Variants in LRP1 observed in about 807,000 individuals in gnomAD.
LRP1 encodes prolow-density lipoprotein receptor-related protein 1.
LRP1 carries 51 observed loss-of-function variants against 541.5 expected under a neutral mutation model. The ratio of observed to expected loss-of-function variants is 0.09; its 90% confidence interval spans 0.08 to 0.12. The LOEUF is 0.12. Ranked by LOEUF, LRP1 falls within the 10% of genes least tolerant of loss-of-function variation. The probability of loss-of-function intolerance (pLI) is 1.00; values close to 1 mark genes in which losing one functional copy is unlikely to be tolerated. For missense variants in LRP1, 3,878 were observed against 6,376.2 expected (o/e 0.61, Z 13.34); for synonymous variants, 2,219 against 2,470.8 (o/e 0.90, Z 3.02).
At position 57,212,566 on chromosome 12, in the gene LRP1, C is replaced by T. The variant is rs367927098; in HGVS notation, c.*11C>T. ...GACCCCTTGGCATAGGGCCCTGCCC[C>T]GTCGGACTGCCCCCAGAAAGCCTCC... On this transcript the variant is annotated 3_prime_UTR_variant, in exon 89 of 89. Transcript: ENST00000243077. This position sits in a 1 kb window ranked among gnomAD's most constrained non-coding sequence, Gnocchi z 5.0. The T allele has an allele frequency of 1.1e-5, 18 of 1,567,394 alleles. No individual in the cohort carries two copies. Among genetic ancestry groups the T allele is most frequent in the African/African-American group, 8.1e-5 (6 of 73,786 alleles).
At chr12:57,134,464 G>A (rs2035111002) in intron 1 of LRP1, among the ~76,000 whole-genome samples, 1 of 152,038 alleles carries the variant, frequency 6.6e-6, no homozygotes, top group Admixed American at 6.6e-5. Flanking sequence ...GTTTTGTTTT[G>A]TTTTTGAGAC....
chr12:57,160,906 A>G lies in LRP1; in HGVS notation c.1993A>G (p.Thr665Ala). 4 of 1,613,684 alleles carry G rather than the reference A, an allele frequency of 2.5e-6. No individual in the cohort carries two copies. The highest frequency in any genetic ancestry group is 3.4e-6 in the Non-Finnish European group (4 of 1,179,944). The change falls in exon 13 of 89, where the codon ACA becomes GCA. Residue 665 changes from threonine to alanine, a missense_variant. Transcript: ENST00000243077. ...CGCTGCCCACAGGTGGATGTACTGG[A>G]CAGACTGGGAGGAGGACCCCAAGGA... ...VDPLNGWMYW[T>A]DWEEDPKDSR... is the part of the protein sequence containing the mutation.
rs1409490903 is a variant in LRP1, at chr12:57,194,618, C to T, written c.8110C>T (p.Pro2704Ser). The change falls in exon 50 of 89, where the codon CCT becomes TCT. Residue 2704 changes from proline (P) to serine (S), a missense_variant. By Grantham distance (74) the Pro-to-Ser change is moderately conservative. This residue lies in a region of LRP1 where 1,100 missense variants were observed against 1,827.4 expected (regional missense o/e 0.60). Transcript: ENST00000243077. ...PRCPLNYFAC[P>S]SGRCIPMSWT... ...ATGCCCTCTGAATTACTTCGCCTGC[C>T]CTAGTGGGCGCTGCATCCCCATGAG... 6 of 1,611,254 alleles carry T rather than the reference C, an allele frequency of 3.7e-6. No homozygotes were observed. The highest frequency in any genetic ancestry group is 1.3e-5 in the African/African-American group (1 of 74,980).
In LRP1 at chr12:57,179,635, G is replaced by A; in HGVS notation, c.4966+79G>A. The A allele has an allele frequency of 1.4e-6, 2 of 1,441,622 alleles. No individual in the cohort carries two copies. Among genetic ancestry groups the A allele is most frequent in the Non-Finnish European group, 1.9e-6 (2 of 1,034,492 alleles). 89.3% of individuals were successfully genotyped at this position (1,441,622 alleles called of 1,614,324 possible). A position where few individuals can be genotyped will look rare whatever the true frequency, so the allele number is the denominator to read the frequency against. On this transcript the variant is annotated intron_variant, in intron 29 of 88. Coordinates refer to ENST00000243077, the MANE Select transcript of LRP1 (RefSeq NM_002332.3). This position sits in a 1 kb window ranked among gnomAD's most constrained non-coding sequence, Gnocchi z 6.8. ...CTTGCTCCCAACCCTGGTCTACTTG[G>A]TCCGAGTGGTCCTTCTCCCAGTCCT...
In LRP1 at chr12:57,162,827, C is replaced by G; in HGVS notation, c.2405-31C>G. 1 of 1,587,994 alleles carries G rather than the reference C, an allele frequency of 6.3e-7. No individual in the cohort carries two copies. The highest frequency in any genetic ancestry group is 8.6e-7 in the Non-Finnish European group (1 of 1,167,220). On this transcript the variant is annotated intron_variant, in intron 14 of 88. Transcript: ENST00000243077. This position sits in a 1 kb window ranked among gnomAD's most constrained non-coding sequence, Gnocchi z 5.2. ...CTGACCTCTCCTCACCTCTTCCTCC[C>G]TTTGCCTTTCCCCATGGCCCTTCCC...
At chr12:57,190,158 G>T (rs985795348) in intron 42 of LRP1, among the ~76,000 whole-genome samples, 1 of 152,170 alleles carries the variant, frequency 6.6e-6, no homozygotes, top group East Asian at 1.9e-4. Context: ...CTCAAAGTAC[G>T]GAGAAGGGGA....
chr12:57,199,160 C>G (rs1296583571), intron 60 of LRP1, 52 bp from the exon 61 acceptor site: 2 of 1,576,620 alleles, frequency 1.3e-6, no homozygotes, highest in African/African-American at 2.7e-5. Flanking sequence ...TGGGCCGGCA[C>G]CCTGTCCGAG....
chr12:57,185,356 G>C lies in LRP1; in HGVS notation c.6463+151G>C. The C allele has an allele frequency of 2.2e-6, 3 of 1,372,218 alleles. No individual in the cohort carries two copies. The East Asian group carries it at 7.1e-5, about 32-fold the overall frequency. 85.0% of individuals were successfully genotyped at this position (1,372,218 alleles called of 1,614,324 possible). On this transcript the variant is annotated intron_variant, in intron 40 of 88. Coordinates refer to ENST00000243077, the MANE Select transcript of LRP1 (RefSeq NM_002332.3). The surrounding 1 kb of genome is among the most constrained non-coding windows in gnomAD (Gnocchi z 4.9). ...GCCCGAGAGACCCAGGGATGGGGAG[G>C]AAAGGCTGAGGTGCTCTGGGACAGA...
intron 1 of LRP1, among the ~76,000 whole-genome samples, chr12:57,130,233 A>G (rs1484482579): frequency 6.6e-6 from 1 of 152,070 alleles, no homozygotes; most frequent in African/African-American, 2.4e-5. Context: ...GGATACCATC[A>G]TACACCCCCT....
chr12:57,139,122 C>A (rs928604970), intron 2 of LRP1, among the ~76,000 whole-genome samples: 1 of 152,212 alleles, frequency 6.6e-6, no homozygotes, highest in Non-Finnish European at 1.5e-5. Context: ...CCAGCTTTTG[C>A]CCTGCCAAGG....
intron 6 of LRP1, among the ~76,000 whole-genome samples, chr12:57,145,925 A>C (rs2035396750): frequency 6.6e-6 from 1 of 152,136 alleles, no homozygotes; most frequent in Non-Finnish European, 1.5e-5. Flanking sequence ...TCCATGGGCC[A>C]TCGTTTCCCT....
chr12:57,175,228 G>A (rs1401933708), intron 22 of LRP1, among the ~76,000 whole-genome samples: 2 of 152,194 alleles, frequency 1.3e-5, no homozygotes, highest in Non-Finnish European at 2.9e-5. Flanking sequence ...GGAAGGGGAG[G>A]TATGGTGCCA....
intron 41 of LRP1, 43 bp from the exon 42 acceptor site, chr12:57,187,224 C>T (rs373482655): frequency 2.1e-4 from 337 of 1,584,494 alleles, no homozygotes; most frequent in Non-Finnish European, 2.8e-4. Flanking sequence ...GCAGGCTGCC[C>T]TCTGGGCCCT....
rs1350202503 is a variant in LRP1 at position 57,211,220 on chromosome 12, G to A, written c.12961G>A (p.Ala4321Thr). 6.2e-7 allele frequency: 1 copy of A among 1,614,122 alleles called. No homozygotes were observed. The highest frequency in any genetic ancestry group is 8.5e-7 in the Non-Finnish European group (1 of 1,180,056). Residue 4321 changes from alanine (A) to threonine (T), a missense_variant, in exon 84 of 89, where the codon GCT (alanine) becomes ACT (threonine). Around this residue, in one of 13 missense-constraint regions of LRP1, gnomAD observed 871 missense variants for 1,212.4 expected, o/e 0.72. Transcript: ENST00000243077. This position sits in a 1 kb window ranked among gnomAD's most constrained non-coding sequence, Gnocchi z 4.3. ...YCENFGTCQM[A>T]ADGSRQCRCT... ...TGAGAACTTTGGCACATGCCAGATG[G>A]CTGCTGATGGCTCCCGACAATGCCG...
Position 57,205,872 on chromosome 12 carries a change from G to T in LRP1, c.11590+195G>T. 1 of 770,948 alleles carries T rather than the reference G, an allele frequency of 1.3e-6. No homozygotes were observed. Among genetic ancestry groups the T allele is most frequent in the Non-Finnish European group, 2.0e-6 (1 of 493,100 alleles). The allele number at this position is 770,948 out of a possible 1,614,324, so 47.8% of individuals were successfully genotyped here. ...AGGTCCTGGGGCTGGCTGACTGAAG[G>T]AGTCTGGGGTGTGGCAGTGCTCTGA... On this transcript the variant is annotated intron_variant, in intron 75 of 88. Transcript: ENST00000243077. This position sits in a 1 kb window ranked among gnomAD's most constrained non-coding sequence, Gnocchi z 4.6.
Position 57,173,765 on chromosome 12 carries a change from G to A in LRP1, c.3347-15G>A. ...GTCCCCGGGCCTGGGCCCTCATAGT[G>A]CACCTGTCCCTCAGCTCGGTGCATC... On this transcript the variant is annotated splice_polypyrimidine_tract_variant and intron_variant, in intron 21 of 88. Coordinates refer to ENST00000243077, the MANE Select transcript of LRP1 (RefSeq NM_002332.3). This position sits in a 1 kb window ranked among gnomAD's most constrained non-coding sequence, Gnocchi z 4.7. 1.2e-6 allele frequency: 2 copies of A among 1,614,062 alleles called. No homozygotes were observed. The highest frequency in any genetic ancestry group is 1.7e-6 in the Non-Finnish European group (2 of 1,179,914).
chr12:57,136,286 A>G (rs146403202), intron 1 of LRP1, among the ~76,000 whole-genome samples: 25 of 151,290 alleles, frequency 1.7e-4, no homozygotes, highest in African/African-American at 5.6e-4. Context: ...TGTTTCCTGA[A>G]CTCGGTCATT....
Position 57,193,283 on chromosome 12 carries a change from G to A in LRP1, c.7663G>A (p.Asp2555Asn). Residue 2555 changes from aspartate (D) to asparagine (N), a missense_variant, in exon 46 of 89, where the codon GAT becomes AAT. Around this residue, in one of 13 missense-constraint regions of LRP1, gnomAD observed 1,100 missense variants for 1,827.4 expected, o/e 0.60. Coordinates refer to ENST00000243077, the MANE Select transcript of LRP1 (RefSeq NM_002332.3). ...DGVPHCKDKS[D>N]EKPSYCNSRR... is the part of the protein sequence containing the mutation. ...CGTCCCCCACTGCAAGGACAAGTCC[G>A]ATGAGAAGCCATCCTACTGCAGTAA... The A allele has an allele frequency of 6.2e-7, 1 of 1,613,158 alleles. No individual in the cohort carries two copies. Among genetic ancestry groups the A allele is most frequent in the South Asian group, 1.1e-5 (1 of 91,076 alleles).
chr12:57,151,677 G>C (rs1186640763), intron 6 of LRP1, among the ~76,000 whole-genome samples: 2 of 152,206 alleles, frequency 1.3e-5, no homozygotes, highest in Non-Finnish European at 2.9e-5. Context: ...CCCAGATACT[G>C]CCTATAGGGC....
Sources: gnomAD v4.1 joint callset for allele counts (sites outside exome capture counted in the v4.1 genomes callset) on GRCh38, gnomAD v4.1.1 for gene constraint, gnomAD v4.1.1 regional missense constraint, Gnocchi (gnomAD v3.1) non-coding constraint, MANE v1.5 for transcripts, NCBI Gene and HGNC (gene_info 2026-07-23, HGNC 2026-07-21) for gene names.